The following NECAB1 variants were observed in gnomAD, a reference collection of about 807,000 sequenced individuals.
NECAB1 encodes the protein N-terminal EF-hand calcium binding protein 1.
Under a neutral mutation model 57.5 loss-of-function variants are expected in NECAB1, and 29 were observed. The observed-to-expected ratio is 0.50, with a 90% CI of 0.38 to 0.69. The LOEUF (loss-of-function observed/expected upper bound fraction) is 0.69, where lower values mean the gene tolerates loss of function less well. Ranked by LOEUF, NECAB1 falls within the 30% of genes least tolerant of loss-of-function variation. The probability of loss-of-function intolerance (pLI) is 0.00; values close to 1 mark genes in which losing one functional copy is unlikely to be tolerated. For synonymous variants in NECAB1, 142 were observed against 147.7 expected (o/e 0.96, Z 0.28); for missense variants, 372 against 413.8 (o/e 0.90, Z 0.88).
chr8:90,897,087 TA>T (rs554198824), intron 5 of NECAB1, among the ~76,000 whole-genome samples: 6 of 151,844 alleles, frequency 4.0e-5, no homozygotes, highest in African/African-American at 9.7e-5. Context: ...AAAAAATAAT[TA>T]AAAAAAAGAA....
intron 3 of NECAB1, among the ~76,000 whole-genome samples, chr8:90,839,716 A>C (rs1812425745): frequency 6.6e-6 from 1 of 152,196 alleles, no homozygotes; most frequent in Non-Finnish European, 1.5e-5. Flanking sequence ...GCTGAAGGGC[A>C]TTCAGCATGC....
chr8:90,952,314 T>C (rs941431183), intron 12 of NECAB1, among the ~76,000 whole-genome samples: 2 of 152,122 alleles, frequency 1.3e-5, no homozygotes, highest in Middle Eastern at 3.4e-3. Flanking sequence ...AAGATGATTG[T>C]TGAAGCCTGG....
At chr8:90,876,845 G>T (rs1054375950) in intron 4 of NECAB1, among the ~76,000 whole-genome samples, 1 of 152,058 alleles carries the variant, frequency 6.6e-6, no homozygotes, top group Non-Finnish European at 1.5e-5. Flanking sequence ...ATGAGAATTG[G>T]TTTTCACACA....
At chr8:90,842,073 A>C (rs1464153171) in intron 3 of NECAB1, among the ~76,000 whole-genome samples, 2 of 152,208 alleles carry the variant, frequency 1.3e-5, no homozygotes. Context: ...GAGGAATAAA[A>C]GCTAATGGAT....
intron 5 of NECAB1, among the ~76,000 whole-genome samples, chr8:90,885,000 C>T (rs938449794): frequency 6.6e-6 from 1 of 152,086 alleles, no homozygotes; most frequent in African/African-American, 2.4e-5. Context: ...CATATCAGAC[C>T]CTAGTTATCC....
chr8:90,820,469 T>C (rs981004727), intron 2 of NECAB1, among the ~76,000 whole-genome samples: 6 of 151,936 alleles, frequency 3.9e-5, no homozygotes, highest in African/African-American at 1.2e-4. Flanking sequence ...TGTTTTCATT[T>C]TGATAAACTA....
chr8:90,925,852 T>C (rs1304736342), intron 7 of NECAB1, among the ~76,000 whole-genome samples, 196 bp downstream of exon 7: 2 of 152,100 alleles, frequency 1.3e-5, no homozygotes, highest in Non-Finnish European at 2.9e-5. Flanking sequence ...ATGGTCAGAA[T>C]CCTAGCAGTT....
intron 2 of NECAB1, among the ~76,000 whole-genome samples, chr8:90,821,356 C>T (rs1812141639): frequency 1.3e-5 from 2 of 151,890 alleles, no homozygotes; most frequent in South Asian, 4.1e-4. Flanking sequence ...GACTGTGGCT[C>T]CTGAGCACTC....
intron 4 of NECAB1, 126 bp downstream of exon 4, chr8:90,872,279 G>T: frequency 1.4e-6 from 1 of 726,836 alleles, no homozygotes; most frequent in Non-Finnish European, 2.2e-6. Flanking sequence ...AAAATTAATC[G>T]AGATCTCAAG....
At chr8:90,945,448 C>G (rs1374461131) in intron 10 of NECAB1, among the ~76,000 whole-genome samples, 1 of 152,200 alleles carries the variant, frequency 6.6e-6, no homozygotes, top group East Asian at 1.9e-4. Flanking sequence ...GATCCGCCCA[C>G]CTCGGCCTCC....
intron 4 of NECAB1, among the ~76,000 whole-genome samples, chr8:90,878,578 C>T (rs1381570223): frequency 2.6e-5 from 4 of 152,170 alleles, no homozygotes; most frequent in Non-Finnish European, 4.4e-5. Context: ...AGATTTCCAA[C>T]TTAAGCTCCT....
chr8:90,935,239 C>A (rs1464109270), intron 9 of NECAB1, among the ~76,000 whole-genome samples: 3 of 152,164 alleles, frequency 2.0e-5, no homozygotes, highest in Non-Finnish European at 4.4e-5. Flanking sequence ...TGAGACCCAC[C>A]TATGTGTAAG....
intron 10 of NECAB1, among the ~76,000 whole-genome samples, chr8:90,948,514 ACTG>A (rs1267951708): frequency 4.6e-5 from 7 of 152,322 alleles, no homozygotes; most frequent in Non-Finnish European, 1.0e-4. Flanking sequence ...CAACTATTTT[ACTG>A]CTAAGTTATG....
intron 5 of NECAB1, among the ~76,000 whole-genome samples, chr8:90,909,044 T>A (rs757516374): frequency 6.6e-6 from 1 of 152,154 alleles, no homozygotes; most frequent in Admixed American, 6.6e-5. Flanking sequence ...TGATTGCCAA[T>A]CATGGTACAA....
At chr8:90,893,385 G>T (rs993092225) in intron 5 of NECAB1, among the ~76,000 whole-genome samples, 3 of 152,096 alleles carry the variant, frequency 2.0e-5, no homozygotes. Flanking sequence ...TACTAGTTAA[G>T]GCACTCAGTT....
chr8:90,835,018 G>A (rs1369803713), intron 3 of NECAB1, among the ~76,000 whole-genome samples: 3 of 147,582 alleles, frequency 2.0e-5, no homozygotes, highest in Non-Finnish European at 4.5e-5. Context: ...AGCCCGCATC[G>A]ACTTTCTTTA....
intron 2 of NECAB1, chr8:90,813,223 A>G (rs1811995710): frequency 1.1e-5 from 1 of 91,968 alleles, no homozygotes; most frequent in Non-Finnish European, 2.0e-5. Flanking sequence ...AAATATATAT[A>G]TATGTATATA....
At chr8:90,851,372 A>G (rs1000553070) in intron 3 of NECAB1, among the ~76,000 whole-genome samples, 1 of 152,060 alleles carries the variant, frequency 6.6e-6, no homozygotes, top group African/African-American at 2.4e-5. Flanking sequence ...ACCTGAGGAC[A>G]CTCTACCAGC....
intron 3 of NECAB1, among the ~76,000 whole-genome samples, chr8:90,836,302 G>C (rs897191441): frequency 4.6e-5 from 7 of 152,086 alleles, no homozygotes; most frequent in African/African-American, 1.7e-4. Flanking sequence ...TCTCTTAAAA[G>C]GTTTCTCACT....
Sources: gnomAD v4.1 joint callset for allele counts (sites outside exome capture counted in the v4.1 genomes callset) on GRCh38, gnomAD v4.1.1 for gene constraint, MANE v1.5 for transcripts, NCBI Gene and HGNC (gene_info 2026-07-23, HGNC 2026-07-21) for gene names.